Variants in SLC24A2 observed in about 807,000 individuals in gnomAD.
SLC24A2 encodes the protein solute carrier family 24 member 2, also known as sodium/potassium/calcium exchanger 2.
Under a neutral mutation model 62.0 loss-of-function variants are expected in SLC24A2, and 36 were observed. That is an observed-to-expected ratio of 0.58 (90% CI 0.44 to 0.77). The LOEUF is 0.77. Ranked by LOEUF, SLC24A2 falls within the 30% of genes least tolerant of loss-of-function variation. The pLI, the probability that SLC24A2 is intolerant of heterozygous loss-of-function variation, is 0.00. For synonymous variants in SLC24A2, 358 were observed against 294.0 expected, an observed-to-expected ratio of 1.22 and a Z score of -2.23; for missense variants, 846 against 817.9, an observed-to-expected ratio of 1.03 and a Z score of -0.42.
At chr9:19,858,376 A>T in the SLC24A2 span, among the ~76,000 whole-genome samples, 1 of 152,240 alleles carries the variant, frequency 6.6e-6, no homozygotes, top group Non-Finnish European at 1.5e-5. Context: ...AAAGACCTAA[A>T]TATAAAACTT....
intron 5 of SLC24A2, among the ~76,000 whole-genome samples, chr9:19,589,859 TG>T (rs1479974543): frequency 1.3e-5 from 2 of 152,160 alleles, no homozygotes; most frequent in Non-Finnish European, 2.9e-5. Context: ...TCTTGAGCAT[TG>T]CAAAAGAAGG....
At chr9:19,597,129 G>T (rs1836724196) in intron 5 of SLC24A2, 100 bp downstream of exon 5, 1 of 801,470 alleles carries the variant, frequency 1.2e-6, no homozygotes, top group Admixed American at 1.9e-5. Context: ...CAATGTCACT[G>T]AAGTCATGCA....
At chr9:19,537,019 C>T (rs2132693498) in intron 8 of SLC24A2, among the ~76,000 whole-genome samples, 1 of 146,594 alleles carries the variant, frequency 6.8e-6, no homozygotes, top group East Asian at 2.1e-4. Flanking sequence ...AGTGTCTGTT[C>T]ATGTCCTTTG....
the SLC24A2 span, among the ~76,000 whole-genome samples, chr9:19,941,834 A>G: frequency 6.6e-6 from 1 of 152,292 alleles, no homozygotes; most frequent in South Asian, 2.1e-4. Context: ...CATGATAAAC[A>G]CAAGAAAATA....
At chr9:19,851,002 CACATACAT>C in the SLC24A2 span, among the ~76,000 whole-genome samples, 1 of 28,638 alleles carries the variant, frequency 3.5e-5, no homozygotes, top group African/African-American at 1.3e-4. Context: ...TATATATATA[CACATACAT>C]ATATATATAT....
chr9:20,020,162 G>T, the SLC24A2 span, among the ~76,000 whole-genome samples: 1 of 152,192 alleles, frequency 6.6e-6, no homozygotes, highest in Non-Finnish European at 1.5e-5. Flanking sequence ...AGACAGTGTG[G>T]CTATTCCTCA....
At chr9:20,301,322 T>C in the SLC24A2 span, among the ~76,000 whole-genome samples, 13 of 152,194 alleles carry the variant, frequency 8.5e-5, no homozygotes, top group South Asian at 2.1e-4. Flanking sequence ...GAGTACATTT[T>C]TTTTTCTTAT....
At chr9:19,563,202 G>C (rs10964208) in intron 7 of SLC24A2, among the ~76,000 whole-genome samples, 17,123 of 152,066 alleles carry the variant, frequency 0.11, 1,035 homozygotes, top group African/African-American at 0.15. Context: ...CACTGCTCTT[G>C]TGTTCTAGTG....
At chr9:20,116,505 CT>C in the SLC24A2 span, among the ~76,000 whole-genome samples, 1 of 152,170 alleles carries the variant, frequency 6.6e-6, no homozygotes, top group Non-Finnish European at 1.5e-5. Flanking sequence ...TAACTTCGCT[CT>C]TCGTAGTTCT....
At chr9:19,529,926 A>AT (rs1408973475) in intron 8 of SLC24A2, among the ~76,000 whole-genome samples, 3 of 151,370 alleles carry the variant, frequency 2.0e-5, no homozygotes, top group Non-Finnish European at 4.4e-5. Flanking sequence ...ATTTTTTTGT[A>AT]TTTTTTAGTA....
At chr9:20,106,601 A>G in the SLC24A2 span, among the ~76,000 whole-genome samples, 2 of 152,210 alleles carry the variant, frequency 1.3e-5, no homozygotes, top group African/African-American at 4.8e-5. Context: ...CAAAAACCAC[A>G]TGATTATCTC....
chr9:19,604,276 T>G (rs1256703417), intron 4 of SLC24A2, among the ~76,000 whole-genome samples: 1 of 152,178 alleles, frequency 6.6e-6, no homozygotes, highest in Non-Finnish European at 1.5e-5. Flanking sequence ...TCTTGACTCT[T>G]GGAATCCCCT....
the SLC24A2 span, among the ~76,000 whole-genome samples, chr9:20,085,124 T>G: frequency 1.2e-4 from 18 of 152,058 alleles, no homozygotes; most frequent in Non-Finnish European, 2.5e-4. Flanking sequence ...GCCTCCAGAG[T>G]AGCTGGGACT....
At chr9:19,722,497 T>C (rs116464253) in intron 2 of SLC24A2, among the ~76,000 whole-genome samples, 3,133 of 152,192 alleles carry the variant, frequency 0.021, 112 homozygotes, top group African/African-American at 0.071. Context: ...ATTTGGTTTG[T>C]AATTCTGATG....
At chr9:20,012,127 G>A in the SLC24A2 span, among the ~76,000 whole-genome samples, 3,249 of 152,210 alleles carry the variant, frequency 0.021, 105 homozygotes, top group African/African-American at 0.074. Context: ...TAAGATTAGG[G>A]ACAAGGCAGA....
the SLC24A2 span, among the ~76,000 whole-genome samples, chr9:20,283,687 G>GA: frequency 1.4e-5 from 2 of 145,910 alleles, no homozygotes; most frequent in African/African-American, 5.0e-5. Flanking sequence ...GGAAAGAAAG[G>GA]AAAATTCACT....
chr9:20,294,171 C>T, the SLC24A2 span, among the ~76,000 whole-genome samples: 1 of 152,088 alleles, frequency 6.6e-6, no homozygotes, highest in Non-Finnish European at 1.5e-5. Flanking sequence ...ACAGCCACAC[C>T]CTGTAGTGCA....
At chr9:20,048,281 C>G in the SLC24A2 span, among the ~76,000 whole-genome samples, 2 of 152,174 alleles carry the variant, frequency 1.3e-5, no homozygotes, top group African/African-American at 2.4e-5. Context: ...TTTTGTAGCA[C>G]TCCTAGTTTA....
chr9:19,897,142 C>A, the SLC24A2 span, among the ~76,000 whole-genome samples: 1 of 152,180 alleles, frequency 6.6e-6, no homozygotes, highest in Non-Finnish European at 1.5e-5. Flanking sequence ...GACTGGGAAA[C>A]TGGGCCTTGG....
Sources: allele counts gnomAD v4.1 joint callset (sites outside exome capture counted in the v4.1 genomes callset), GRCh38; gene constraint gnomAD v4.1.1; transcripts MANE v1.5; gene names NCBI Gene and HGNC (gene_info 2026-07-23, HGNC 2026-07-21).